Variants in CADM2 observed in about 807,000 individuals in gnomAD.
CADM2 encodes the protein immunoglobulin superfamily member 4D.
A neutral mutation model predicts 49.8 loss-of-function variants in CADM2; 12 were observed. The observed-to-expected ratio is 0.24, with a 90% CI of 0.15 to 0.39. CADM2 has a LOEUF of 0.39. CADM2 is among the 10% of genes least tolerant of loss of function. The probability of loss-of-function intolerance (pLI) is 1.00; values close to 1 mark genes in which losing one functional copy is unlikely to be tolerated. For missense variants in CADM2, 378 were observed against 492.3 expected (o/e 0.77, Z 2.20); for synonymous variants, 214 against 175.4 (o/e 1.22, Z -1.74).
At chr3:85,696,825 A>G (rs2066571502) in intron 1 of CADM2, among the ~76,000 whole-genome samples, 2 of 151,970 alleles carry the variant, frequency 1.3e-5, no homozygotes, top group South Asian at 2.1e-4. Context: ...ACAGTGTCAC[A>G]TAAGTACCAG....
chr3:85,359,247 C>G (rs998929980), intron 1 of CADM2, among the ~76,000 whole-genome samples: 35 of 152,006 alleles, frequency 2.3e-4, no homozygotes, highest in African/African-American at 7.5e-4. Flanking sequence ...TCTTGTTATG[C>G]CTTTGTTGAG....
intron 1 of CADM2, among the ~76,000 whole-genome samples, chr3:85,325,409 A>G (rs755917434): frequency 2.0e-5 from 3 of 152,144 alleles, no homozygotes; most frequent in Non-Finnish European, 4.4e-5. Flanking sequence ...TCAGTTAATT[A>G]CTTTTCTAAA....
chr3:85,228,054 A>C (rs2042200933), intron 1 of CADM2, among the ~76,000 whole-genome samples: 1 of 152,104 alleles, frequency 6.6e-6, no homozygotes, highest in South Asian at 2.1e-4. Flanking sequence ...GCTGCACTTA[A>C]CATTTTTTCC....
intron 1 of CADM2, among the ~76,000 whole-genome samples, chr3:85,519,115 T>A (rs150965956): frequency 6.6e-6 from 1 of 152,214 alleles, no homozygotes; most frequent in African/African-American, 2.4e-5. Context: ...ACAAATTGTC[T>A]AGTTTAGGCA....
intron 1 of CADM2, among the ~76,000 whole-genome samples, chr3:85,557,491 A>C (rs201003630): frequency 6.6e-6 from 1 of 150,428 alleles, no homozygotes; most frequent in Non-Finnish European, 1.5e-5. Context: ...GTTTTTTTGG[A>C]AAAACCAAAG....
chr3:85,843,497 G>A (rs567255410), intron 3 of CADM2, among the ~76,000 whole-genome samples: 5 of 151,126 alleles, frequency 3.3e-5, no homozygotes, highest in African/African-American at 9.7e-5. Context: ...TTCAAACTTT[G>A]TCTTATATTT....
chr3:85,034,289 C>T (rs533163056), intron 1 of CADM2, among the ~76,000 whole-genome samples: 7 of 151,932 alleles, frequency 4.6e-5, no homozygotes, highest in East Asian at 1.9e-4. Flanking sequence ...CCCCACACTA[C>T]GCTTCCCAGC....
intron 3 of CADM2, among the ~76,000 whole-genome samples, chr3:85,818,898 G>C (rs1328360767): frequency 7.0e-6 from 1 of 142,314 alleles, no homozygotes. Context: ...TAATAGGATA[G>C]ACGTATATGT....
At chr3:85,443,819 G>T (rs1447253572) in intron 1 of CADM2, among the ~76,000 whole-genome samples, 1 of 152,032 alleles carries the variant, frequency 6.6e-6, no homozygotes, top group Non-Finnish European at 1.5e-5. Context: ...CAGCCTCATA[G>T]GTTTGAAGGT....
chr3:85,070,714 CA>C (rs1371308023), intron 1 of CADM2, among the ~76,000 whole-genome samples: 1 of 151,968 alleles, frequency 6.6e-6, no homozygotes, highest in African/African-American at 2.4e-5. Context: ...TAATTCAGGC[CA>C]GGGGCAGTGG....
At position 85,654,849 on chromosome 3, in the gene CADM2, T is replaced by C. The variant is rs1322768872; in HGVS notation, c.62-71673T>C. 2.0e-5 allele frequency among the ~76,000 whole-genome samples: 3 copies of C among 152,214 alleles called. No individual in the cohort carries two copies. The East Asian group carries it at 5.8e-4, about 29-fold the overall frequency. The stretch of plus-strand genomic sequence containing the variant: ...ACAATTCTTGTATTCTCTACATCAT[T>C]GACCACAATACTTTAAACTTAATTG... On this transcript the variant is annotated intron_variant, in intron 1 of 9. Transcript: ENST00000383699.
chr3:84,962,024 G>C (rs1320977811), intron 1 of CADM2, among the ~76,000 whole-genome samples: 1 of 152,016 alleles, frequency 6.6e-6, no homozygotes, highest in Non-Finnish European at 1.5e-5. Context: ...GTAAACCAAT[G>C]ATTAAGACAG....
In CADM2 at chr3:85,285,680, C is replaced by T. The variant is rs1411503268; in HGVS notation, c.61+326012C>T. ...ACCAAAAAGGACAGAATTTAAGTAG[C>T]AAATAATACAGATACCACTAAGAAG... is the stretch of plus-strand genomic sequence containing the variant. On this transcript the variant is annotated intron_variant, in intron 1 of 9. Transcript: ENST00000383699. 2.0e-5 allele frequency among the ~76,000 whole-genome samples: 3 copies of T among 151,852 alleles called. No homozygotes were observed. In the South Asian group the frequency reaches 6.2e-4, roughly 31 times the overall value.
At chr3:86,057,931 A>C (rs1248444974) in intron 8 of CADM2, among the ~76,000 whole-genome samples, 1 of 152,208 alleles carries the variant, frequency 6.6e-6, no homozygotes. Flanking sequence ...AGCCATACTA[A>C]AAACTGACTT....
chr3:86,055,481 G>GTTTTTTTTTTTTTTT (rs1440467932), intron 8 of CADM2, among the ~76,000 whole-genome samples: 4 of 121,040 alleles, frequency 3.3e-5, no homozygotes, highest in African/African-American at 6.5e-5. Flanking sequence ...TTTTTTTTTG[G>GTTTTTTTTTTTTTTT]TTTTAGAGGG....
intron 2 of CADM2, among the ~76,000 whole-genome samples, chr3:85,772,154 A>G (rs1203445555): frequency 6.6e-6 from 1 of 151,918 alleles, no homozygotes; most frequent in Non-Finnish European, 1.5e-5. Context: ...CATAGCATTT[A>G]TGAAACATAA....
chr3:85,613,646 T>C (rs1196412296), intron 1 of CADM2, among the ~76,000 whole-genome samples: 2 of 151,622 alleles, frequency 1.3e-5, no homozygotes, highest in African/African-American at 4.8e-5. Context: ...ATATAATTTT[T>C]AATTTATTTT....
At chr3:86,025,799 G>A (rs1733843542) in intron 8 of CADM2, among the ~76,000 whole-genome samples, 2 of 151,836 alleles carry the variant, frequency 1.3e-5, no homozygotes, top group South Asian at 4.2e-4. Flanking sequence ...TCTTAACTTT[G>A]TAATAATCTG....
At chr3:85,694,609 A>G (rs1026951608) in intron 1 of CADM2, among the ~76,000 whole-genome samples, 1 of 152,246 alleles carries the variant, frequency 6.6e-6, no homozygotes, top group Non-Finnish European at 1.5e-5. Flanking sequence ...AGACACTAAA[A>G]TGCAATTTAT....
Sources: gnomAD v4.1 joint callset for allele counts (sites outside exome capture counted in the v4.1 genomes callset) on GRCh38, gnomAD v4.1.1 for gene constraint, MANE v1.5 for transcripts, NCBI Gene and HGNC (gene_info 2026-07-23, HGNC 2026-07-21) for gene names.